Variants in TESK2 observed in about 807,000 individuals in gnomAD.
TESK2 encodes testis associated actin remodelling kinase 2, also known as dual specificity testis-specific protein kinase 2.
Under a neutral mutation model 57.1 loss-of-function variants are expected in TESK2, and 39 were observed. That is an observed-to-expected ratio of 0.68 (90% CI 0.53 to 0.89). The LOEUF (loss-of-function observed/expected upper bound fraction) is 0.89, where lower values mean the gene tolerates loss of function less well. Ranked by LOEUF, TESK2 falls within the 40% of genes least tolerant of loss-of-function variation. TESK2 has a pLI of 0.00. For synonymous variants in TESK2, 249 were observed against 267.9 expected (o/e 0.93, Z 0.69); for missense variants, 646 against 732.1 (o/e 0.88, Z 1.36).
intron 2 of TESK2, among the ~76,000 whole-genome samples, chr1:45,456,576 T>G (rs553358595): frequency 5.4e-5 from 8 of 148,114 alleles, no homozygotes; most frequent in East Asian, 2.0e-4. Flanking sequence ...AATATTTGGG[T>G]TTTTTTTTTC....
chr1:45,365,224 C>T (rs144881860), intron 4 of TESK2, among the ~76,000 whole-genome samples: 70 of 152,238 alleles, frequency 4.6e-4, no homozygotes, highest in Non-Finnish European at 8.2e-4. Context: ...CTCGAGGATC[C>T]ACAGCCACTA....
intron 1 of TESK2, among the ~76,000 whole-genome samples, chr1:45,473,085 C>A (rs1489756033): frequency 1.4e-5 from 2 of 147,590 alleles, no homozygotes; most frequent in Admixed American, 6.9e-5. Flanking sequence ...ACCCGGGAGG[C>A]AGAGCTTGCA....
intron 3 of TESK2, among the ~76,000 whole-genome samples, chr1:45,410,029 G>T (rs1392098497): frequency 6.6e-6 from 1 of 152,018 alleles, no homozygotes; most frequent in Non-Finnish European, 1.5e-5. Flanking sequence ...GCTGGGTGTG[G>T]TGACACATGC....
chr1:45,356,119 T>A (rs1647409811), intron 4 of TESK2, among the ~76,000 whole-genome samples: 1 of 151,930 alleles, frequency 6.6e-6, no homozygotes, highest in African/African-American at 2.4e-5. Flanking sequence ...ACTGCAATAA[T>A]CCTGGTGAGA....
intron 1 of TESK2, among the ~76,000 whole-genome samples, chr1:45,478,697 C>T (rs1214054028): frequency 1.3e-5 from 2 of 151,652 alleles, no homozygotes; most frequent in Non-Finnish European, 1.5e-5. Context: ...GGATACAGTC[C>T]AAAATGTTAA....
chr1:45,413,354 TAAAGGGAA>T (rs1198275678), intron 3 of TESK2, among the ~76,000 whole-genome samples: 2 of 151,688 alleles, frequency 1.3e-5, no homozygotes, highest in East Asian at 3.9e-4. Context: ...GGAAGGGAGA[TAAAGGGAA>T]AAAGGGAAAC....
chr1:45,348,386 A>G (rs2153609), intron 5 of TESK2, among the ~76,000 whole-genome samples: 52,707 of 152,114 alleles, frequency 0.35, 10,544 homozygotes, highest in African/African-American at 0.54. Context: ...CTCCTTCCTC[A>G]GAAACACAGA....
chr1:45,477,694 AGACAATACAGGT>A (rs1314610284), intron 1 of TESK2, among the ~76,000 whole-genome samples: 3 of 152,186 alleles, frequency 2.0e-5, no homozygotes, highest in Non-Finnish European at 4.4e-5. Flanking sequence ...GTAACTGTTC[AGACAATACAGGT>A]GACAGTTAAA....
At chr1:45,441,842 C>T (rs529486841) in intron 2 of TESK2, among the ~76,000 whole-genome samples, 2 of 152,238 alleles carry the variant, frequency 1.3e-5, no homozygotes, top group South Asian at 2.1e-4. Flanking sequence ...CTCTCGAACT[C>T]GTGACCTCAA....
intron 3 of TESK2, among the ~76,000 whole-genome samples, chr1:45,404,301 G>C (rs1649745322): frequency 2.0e-5 from 3 of 152,094 alleles, no homozygotes; most frequent in African/African-American, 7.2e-5. Context: ...ATAAATATTA[G>C]AGTACTTGAA....
intron 3 of TESK2, among the ~76,000 whole-genome samples, chr1:45,413,608 C>T (rs184678764): frequency 2.1e-4 from 32 of 152,062 alleles, no homozygotes; most frequent in African/African-American, 7.5e-4. Context: ...CTTCATTTCT[C>T]TCTCTCTCTC....
At chr1:45,380,436 T>C (rs1648607916) in intron 4 of TESK2, among the ~76,000 whole-genome samples, 1 of 152,172 alleles carries the variant, frequency 6.6e-6, no homozygotes, top group African/African-American at 2.4e-5. Flanking sequence ...CTTAACAATA[T>C]TAAAAGGAAA....
intron 2 of TESK2, among the ~76,000 whole-genome samples, chr1:45,430,450 C>T (rs1041054168): frequency 6.6e-6 from 1 of 152,140 alleles, no homozygotes; most frequent in Non-Finnish European, 1.5e-5. Context: ...ATGATCAAGA[C>T]ATTGCACTCC....
intron 1 of TESK2, among the ~76,000 whole-genome samples, chr1:45,474,991 A>G (rs555805154): frequency 1.3e-5 from 2 of 150,972 alleles, no homozygotes; most frequent in Non-Finnish European, 3.0e-5. Flanking sequence ...AAGGCCTGAA[A>G]AGGACCACTT....
chr1:45,465,626 T>C (rs1652521716), intron 1 of TESK2, among the ~76,000 whole-genome samples: 1 of 152,202 alleles, frequency 6.6e-6, no homozygotes. Flanking sequence ...AATTTTGGTA[T>C]TTGTATCTTG....
At chr1:45,348,830 C>A (rs1647191085) in intron 5 of TESK2, among the ~76,000 whole-genome samples, 2 of 152,172 alleles carry the variant, frequency 1.3e-5, no homozygotes, top group Admixed American at 6.5e-5. Context: ...AAGCTATGAA[C>A]CCCTCAGGAG....
At chr1:45,462,149 T>C (rs536452398) in intron 1 of TESK2, among the ~76,000 whole-genome samples, 2 of 152,306 alleles carry the variant, frequency 1.3e-5, no homozygotes, top group African/African-American at 2.4e-5. Context: ...ATGAGTTCAA[T>C]TGTCTTAATA....
intron 4 of TESK2, among the ~76,000 whole-genome samples, chr1:45,367,280 C>T (rs909404539): frequency 3.9e-5 from 6 of 152,138 alleles, no homozygotes; most frequent in African/African-American, 1.4e-4. Flanking sequence ...AACCAATTCC[C>T]AAGTAATGCA....
At position 45,355,246 on chromosome 1, in the gene TESK2, T is replaced by C. The variant is rs72890585; in HGVS notation, c.540+57A>G. 0.013 allele frequency: 20,372 copies of C among 1,584,252 alleles called. 2,329 individuals carry two copies. In the African/African-American group the frequency reaches 0.24, roughly 19 times the overall value. ...AAATGTTAAATCTAACACAGCTTTC[T>C]TGGCAAAAGAGAAGGGTGGTATCTC... On this transcript the variant is annotated intron_variant, in intron 5 of 10. Coordinates refer to ENST00000372086, the MANE Select transcript of TESK2 (RefSeq NM_007170.3).
Sources: allele counts gnomAD v4.1 joint callset (sites outside exome capture counted in the v4.1 genomes callset), GRCh38; gene constraint gnomAD v4.1.1; transcripts MANE v1.5; gene names NCBI Gene and HGNC (gene_info 2026-07-23, HGNC 2026-07-21).